The following THPO variants were observed in gnomAD, a reference collection of about 807,000 sequenced individuals.
The protein encoded by THPO is thrombopoietin, also known as MPL ligand.
In THPO, 12 loss-of-function variants were observed where a neutral mutation model predicts 17.0. That is an observed-to-expected ratio of 0.71 (90% CI 0.45 to 1.14). The LOEUF (loss-of-function observed/expected upper bound fraction) is 1.14. Ranked by LOEUF, THPO falls within the 50% of genes most tolerant of loss-of-function variation. The pLI, the probability that THPO is intolerant of heterozygous loss-of-function variation, is 0.00. For synonymous variants in THPO, 188 were observed against 183.0 expected, an observed-to-expected ratio of 1.03 and a Z score of -0.22; for missense variants, 365 against 427.5, an observed-to-expected ratio of 0.85 and a Z score of 1.29.
chr3:184,375,108 G>T (rs1319137832), intron 4 of THPO, among the ~76,000 whole-genome samples: 1 of 152,170 alleles, frequency 6.6e-6, no homozygotes, highest in Non-Finnish European at 1.5e-5. Flanking sequence ...TATCTCTGTT[G>T]TTTCACCTTG....
At position 184,372,583 on chromosome 3, in the gene THPO, G is replaced by T. The variant is rs372984771; in HGVS notation, c.992C>A (p.Thr331Lys). 1.4e-5 allele frequency: 22 copies of T among 1,613,976 alleles called. No homozygotes were observed. The highest frequency in any genetic ancestry group is 1.7e-5 in the Non-Finnish European group (20 of 1,180,006). The change falls in exon 6 of 6, where the codon ACG (threonine) becomes AAG (lysine). Residue 331 changes from threonine (T) to lysine (K), a missense_variant. Coordinates refer to ENST00000647395, the MANE Select transcript of THPO (RefSeq NM_000460.4). ...HPLLPDPSAPTPTPTSPLLNT... is the reference protein window; with the variant it reads ...HPLLPDPSAPKPTPTSPLLNT... ...TAGAAGAGGGCTGGTAGGGGTGGGC[G>T]TTGGAGCAGAAGGGTCAGGAAGCAG...
chr3:184,372,576 G>T lies in THPO; in HGVS notation c.999C>A (p.Thr333=). The T allele has an allele frequency of 6.2e-7, 1 of 1,614,114 alleles. No individual in the cohort carries two copies. Among genetic ancestry groups the T allele is most frequent in the Non-Finnish European group, 8.5e-7 (1 of 1,180,014 alleles). Residue 333 remains threonine (T), a synonymous_variant, in exon 6 of 6, where the codon ACC becomes ACA. Coordinates refer to ENST00000647395, the MANE Select transcript of THPO (RefSeq NM_000460.4). The part of the protein sequence containing the change: ...LLPDPSAPTP[T]PTSPLLNTSY... ...ATGTGTTTAGAAGAGGGCTGGTAGG[G>T]GTGGGCGTTGGAGCAGAAGGGTCAG...
In THPO at chr3:184,378,123, G is replaced by A; in HGVS notation, c.-194C>T. The stretch of plus-strand genomic sequence containing the variant: ...CCAAGTGCACAGCAGGCAGCCCTCT[G>A]GGGAGCAGATGGGTAGGAAGACATG... On this transcript the variant is annotated 5_prime_UTR_variant, in exon 1 of 6. The change creates a premature stop within an existing upstream ORF in the 5' untranslated region. Transcript: ENST00000647395. The A allele has an allele frequency of 1.0e-6, 1 of 985,622 alleles. No homozygotes were observed. The highest frequency in any genetic ancestry group is 1.2e-6 in the Non-Finnish European group (1 of 830,070). The allele number at this position is 985,622 out of a possible 1,614,324, so 61.1% of individuals were successfully genotyped here.
Position 184,376,228 on chromosome 3 carries a change from C to T in THPO, c.13+19G>A, listed in dbSNP as rs1267894758. 2 of 1,613,922 alleles carry T rather than the reference C, an allele frequency of 1.2e-6. No individual in the cohort carries two copies. Among genetic ancestry groups the T allele is most frequent in the East Asian group, 2.2e-5 (1 of 44,882 alleles). On this transcript the variant is annotated intron_variant, in intron 2 of 5. Coordinates refer to ENST00000647395, the MANE Select transcript of THPO (RefSeq NM_000460.4). ...TGTCATGTTTCCATATGGCCCTAGC[C>T]CCTCAGGTGTGTTCTCACCAGTCAG...
chr3:184,375,907 T>C lies in THPO; in HGVS notation c.122A>G (p.His41Arg), dbSNP rs770834863. 1.9e-6 allele frequency: 3 copies of C among 1,613,288 alleles called. No homozygotes were observed. The highest frequency in any genetic ancestry group is 1.1e-5 in the South Asian group (1 of 91,044). ...TCTCACCAGTCTGCTGTGAAGGACA[T>C]GGGAGTCACGAAGCAGTTTACTGAG... ...RVLSKLLRDS[H>R]VLHSRLSQCP... is the part of the protein sequence containing the mutation. Residue 41 changes from histidine (H) to arginine (R), a missense_variant, in exon 3 of 6, where the codon CAT (histidine) becomes CGT (arginine). His to Arg is a conservative substitution (Grantham distance 29). Transcript: ENST00000647395.
chr3:184,374,931 G>A (rs1714257786), intron 4 of THPO, among the ~76,000 whole-genome samples: 1 of 152,176 alleles, frequency 6.6e-6, no homozygotes, highest in South Asian at 2.1e-4. Flanking sequence ...TGGGATTACA[G>A]GCATGCACTA....
chr3:184,378,836 T>C (rs1714699734), upstream of THPO: 1 of 985,232 alleles, frequency 1.0e-6, no homozygotes, highest in Non-Finnish European at 1.2e-6. Flanking sequence ...CTCCTTTGCT[T>C]GTTCTGTCTC....
chr3:184,376,382 G>T lies in THPO; in HGVS notation c.-123C>A. 6.2e-7 allele frequency: 1 copy of T among 1,606,130 alleles called. No individual in the cohort carries two copies. The highest frequency in any genetic ancestry group is 2.2e-5 in the East Asian group (1 of 44,784). Reference sequence around the variant, plus strand: ...GGGCAGAGTAGGGTGGGGCAAAGGCGGGCCAAGGGTGAAGAATCTATCCTG... The same window carrying T: ...GGGCAGAGTAGGGTGGGGCAAAGGCTGGCCAAGGGTGAAGAATCTATCCTG... On this transcript the variant is annotated 5_prime_UTR_variant, in exon 2 of 6. Transcript: ENST00000647395.
chr3:184,376,468 G>T, intron 1 of THPO, 64 bp from the exon 2 acceptor site: 1 of 1,441,428 alleles, frequency 6.9e-7, no homozygotes, highest in South Asian at 1.4e-5. Flanking sequence ...CTGGCAGGGT[G>T]AACAGATGCT....
intron 3 of THPO, 116 bp from the exon 4 acceptor site, chr3:184,375,717 G>T: frequency 6.9e-7 from 1 of 1,455,196 alleles, no homozygotes; most frequent in South Asian, 1.2e-5. Context: ...TTTTAAATGC[G>T]GGCTGTATTG....
In THPO at chr3:184,372,236, A is replaced by G. The variant is rs1713948096; in HGVS notation, c.*277T>C. On this transcript the variant is annotated 3_prime_UTR_variant, in exon 6 of 6. Transcript: ENST00000647395. ...CTTTGCAGAGTTATCACAGAAAAAG[A>G]GCATGTAGAGAATCAGTGAGTTGCA... The G allele has an allele frequency of 6.7e-6, 3 of 445,198 alleles. No homozygotes were observed. In the South Asian group the frequency reaches 8.1e-5, roughly 12 times the overall value. The allele number at this position is 445,198 out of a possible 1,614,324, so 27.6% of individuals were successfully genotyped here. A position where few individuals can be genotyped will look rare whatever the true frequency, so the allele number is the denominator to read the frequency against.
Position 184,372,464 on chromosome 3 carries a change from A to G in THPO, c.*49T>C. 6.2e-7 allele frequency: 1 copy of G among 1,609,626 alleles called. No homozygotes were observed. The highest frequency in any genetic ancestry group is 1.1e-5 in the South Asian group (1 of 90,934). ...TGTCTCCCAGGGGCGCCCTGCAGGG[A>G]AGGGAGCTGTACACGAGACAATGCT... is the stretch of plus-strand genomic sequence containing the variant. On this transcript the variant is annotated 3_prime_UTR_variant, in exon 6 of 6. Coordinates refer to ENST00000647395, the MANE Select transcript of THPO (RefSeq NM_000460.4).
At chr3:184,376,818 C>A (rs1487059384) in intron 1 of THPO, among the ~76,000 whole-genome samples, 1 of 148,782 alleles carries the variant, frequency 6.7e-6, no homozygotes, top group Non-Finnish European at 1.5e-5. Flanking sequence ...GCACTCCAGC[C>A]TGGGCAATAA....
chr3:184,376,270 G>C lies in THPO; in HGVS notation c.-11C>G, dbSNP rs373675707. On this transcript the variant is annotated 5_prime_UTR_variant, in exon 2 of 6. Coordinates refer to ENST00000647395, the MANE Select transcript of THPO (RefSeq NM_000460.4). ...ACCAGTCAGCTCCATTCTGGCCGGGGTGTCTGGCTGGCGTGGCTCCCTGTT... is the reference window on the plus strand; with the variant it reads ...ACCAGTCAGCTCCATTCTGGCCGGGCTGTCTGGCTGGCGTGGCTCCCTGTT... 1 of 1,614,074 alleles carries C rather than the reference G, an allele frequency of 6.2e-7. No individual in the cohort carries two copies. Among genetic ancestry groups the C allele is most frequent in the South Asian group, 1.1e-5 (1 of 91,090 alleles).
At chr3:184,375,439 T>C (rs1714306061) in intron 4 of THPO, 76 bp downstream of exon 4, 1 of 1,458,336 alleles carries the variant, frequency 6.9e-7, no homozygotes, top group South Asian at 1.1e-5. Context: ...CTCAAGAATG[T>C]TGGAGAATCC....
chr3:184,375,596 C>T lies in THPO; in HGVS notation c.147G>A (p.Gln49=). The change falls in exon 4 of 6, where the codon CAG becomes CAA. Residue 49 remains glutamine (Q), a synonymous_variant. Transcript: ENST00000647395. The part of the protein sequence containing the change: ...DSHVLHSRLS[Q]CPEVHPLPTP... ...TAGGCAAAGGGTGAACCTCTGGGCACTGGCTCTGTTGAAAAAGATTGGTGG... is the reference window on the plus strand; with the variant it reads ...TAGGCAAAGGGTGAACCTCTGGGCATTGGCTCTGTTGAAAAAGATTGGTGG... The T allele has an allele frequency of 3.7e-6, 6 of 1,614,110 alleles. No individual in the cohort carries two copies. Among genetic ancestry groups the T allele is most frequent in the African/African-American group, 1.3e-5 (1 of 75,034 alleles).
chr3:184,378,293 A>G (rs1358471837), upstream of THPO: 3 of 985,424 alleles, frequency 3.0e-6, no homozygotes, highest in African/African-American at 5.2e-5. Context: ...TGCCTGGACC[A>G]GGGTCCACTC....
chr3:184,374,341 C>T (rs1206538907), intron 4 of THPO, among the ~76,000 whole-genome samples: 1 of 152,208 alleles, frequency 6.6e-6, no homozygotes, highest in Non-Finnish European at 1.5e-5. Flanking sequence ...TTCCCTGACT[C>T]AGTCCTGAAG....
chr3:184,378,146 A>C lies in THPO; in HGVS notation c.-217T>G, dbSNP rs1481540428. 3.0e-6 allele frequency: 3 copies of C among 985,428 alleles called. No homozygotes were observed. The highest frequency in any genetic ancestry group is 3.6e-6 in the Non-Finnish European group (3 of 830,006). The allele number at this position is 985,428 out of a possible 1,614,324, so 61.0% of individuals were successfully genotyped here. ...CTGGGGAGCAGATGGGTAGGAAGAC[A>C]TGTGGCGGTGGGGCACAGCCCCTCC... On this transcript the variant is annotated 5_prime_UTR_variant, in exon 1 of 6. It removes an upstream start codon present in the reference 5' UTR. Transcript: ENST00000647395.
Sources: gnomAD v4.1 joint callset for allele counts (sites outside exome capture counted in the v4.1 genomes callset) on GRCh38, gnomAD v4.1.1 for gene constraint, MANE v1.5 for transcripts, NCBI Gene and HGNC (gene_info 2026-07-23, HGNC 2026-07-21) for gene names.